SLC28A3: variants seen among roughly 807,000 people sequenced by gnomAD.
SLC28A3 encodes solute carrier family 28 member 3.
Under a neutral mutation model 84.2 loss-of-function variants are expected in SLC28A3, and 68 were observed. The ratio of observed to expected loss-of-function variants is 0.81; its 90% CI spans 0.66 to 0.99. The LOEUF is 0.99. Ranked by LOEUF, SLC28A3 falls within the 50% of genes least tolerant of loss-of-function variation. The pLI is 0.00. For synonymous variants in SLC28A3, 267 were observed against 303.6 expected (o/e 0.88, Z 1.25); for missense variants, 712 against 841.5 (o/e 0.85, Z 1.90).
chr9:84,333,068 T>C (rs1826847867), intron 1 of SLC28A3, among the ~76,000 whole-genome samples: 1 of 152,184 alleles, frequency 6.6e-6, no homozygotes, highest in African/African-American at 2.4e-5. Context: ...GAGATGATTT[T>C]GAGGGCTCCA....
Position 84,278,233 on chromosome 9 carries a change from G to T in SLC28A3, c.2061C>A (p.Ile687=). 1 of 1,613,860 alleles carries T rather than the reference G, an allele frequency of 6.2e-7. No individual in the cohort carries two copies. The highest frequency in any genetic ancestry group is 1.1e-5 in the South Asian group (1 of 91,038). ...GTGGCTGACCTCAAAATGTATTAGA[G>T]ATCCCATTGCAGTTAAAGGTCGATG... is the stretch of plus-strand genomic sequence containing the variant. ...LNPSTFNCNG[I]SNTF is the part of the protein sequence containing the mutation. The change falls in exon 18 of 18, where the codon ATC becomes ATA. Residue 687 remains isoleucine, a synonymous_variant. Transcript: ENST00000376238.
chr9:84,310,527 G>A (rs539563571), intron 2 of SLC28A3: 1 of 985,340 alleles, frequency 1.0e-6, no homozygotes, highest in African/African-American at 1.7e-5. Context: ...TGTGCTCTAA[G>A]AAGTATAATG....
At chr9:84,279,842 A>T (rs1442904810) in intron 16 of SLC28A3, 133 bp downstream of exon 16, 2 of 777,630 alleles carry the variant, frequency 2.6e-6, no homozygotes, top group Non-Finnish European at 4.1e-6. Flanking sequence ...ACTTTACAGT[A>T]TGCTTAAGAG....
intron 5 of SLC28A3, among the ~76,000 whole-genome samples, chr9:84,301,349 C>CAAA (rs59917986): frequency 1.7e-3 from 73 of 43,994 alleles, no homozygotes; most frequent in Non-Finnish European, 2.5e-3. Context: ...GACTCTGTCT[C>CAAA]AAAAAAAAAA....
At chr9:84,309,128 A>G (rs556496261) in intron 3 of SLC28A3, among the ~76,000 whole-genome samples, 5 of 152,270 alleles carry the variant, frequency 3.3e-5, no homozygotes, top group Middle Eastern at 3.4e-3. Context: ...GGCCACATTG[A>G]TCATCTTAAA....
the SLC28A3 span, among the ~76,000 whole-genome samples, chr9:84,368,593 G>A: frequency 6.6e-6 from 1 of 152,036 alleles, no homozygotes; most frequent in Non-Finnish European, 1.5e-5. Flanking sequence ...TCTGGGAGCT[G>A]GGGCCTGGAA....
At chr9:84,338,646 G>A (rs990465930) in intron 1 of SLC28A3, among the ~76,000 whole-genome samples, 3 of 152,152 alleles carry the variant, frequency 2.0e-5, no homozygotes, top group Non-Finnish European at 4.4e-5. Flanking sequence ...CCTCCTCCCT[G>A]GGAGCAGCCA....
intron 4 of SLC28A3, among the ~76,000 whole-genome samples, chr9:84,304,335 C>T (rs1335871588): frequency 1.3e-5 from 2 of 152,166 alleles, no homozygotes; most frequent in Admixed American, 6.5e-5. Context: ...CTTGGCTGTG[C>T]AGCAGCCTGG....
At chr9:84,305,201 T>TGA (rs1331238758) in intron 4 of SLC28A3, 53 bp downstream of exon 4, 6 of 1,151,150 alleles carry the variant, frequency 5.2e-6, no homozygotes, top group Non-Finnish European at 7.3e-6. Flanking sequence ...GGGGAATCCC[T>TGA]GAAAAAAAAA....
Position 84,278,245 on chromosome 9 carries a change from G to A in SLC28A3, c.2049C>T (p.Asn683=). The A allele has an allele frequency of 1.2e-6, 2 of 1,614,066 alleles. No homozygotes were observed. Among genetic ancestry groups the A allele is most frequent in the Middle Eastern group, 1.6e-4 (1 of 6,062 alleles). Reference sequence around the variant, plus strand: ...AAAATGTATTAGAGATCCCATTGCAGTTAAAGGTCGATGGATTCAACAATG... The same window carrying A: ...AAAATGTATTAGAGATCCCATTGCAATTAAAGGTCGATGGATTCAACAATG... The part of the protein sequence containing the change: ...CCTLLNPSTF[N]CNGISNTF The change falls in exon 18 of 18, where the codon AAC becomes AAT. Residue 683 remains asparagine (N), a synonymous_variant. Coordinates refer to ENST00000376238, the MANE Select transcript of SLC28A3 (RefSeq NM_001199633.2).
At chr9:84,292,467 C>CTCTG (rs1165849509) in intron 10 of SLC28A3, 216 of 392,952 alleles carry the variant, frequency 5.5e-4, no homozygotes, top group African/African-American at 5.4e-3. Flanking sequence ...CTCTCTGTCT[C>CTCTG]TCTCTCTGTC....
upstream of SLC28A3, among the ~76,000 whole-genome samples, chr9:84,341,093 C>G (rs1208202828): frequency 6.6e-6 from 1 of 151,752 alleles, no homozygotes; most frequent in Non-Finnish European, 1.5e-5. Flanking sequence ...CCTGCCTCAG[C>G]CTCTCAAGTA....
At chr9:84,324,997 A>C (rs1826504003) in intron 1 of SLC28A3, among the ~76,000 whole-genome samples, 1 of 152,198 alleles carries the variant, frequency 6.6e-6, no homozygotes, top group Non-Finnish European at 1.5e-5. Flanking sequence ...GTTGCTGGCT[A>C]GTTTATTCTG....
intron 4 of SLC28A3, among the ~76,000 whole-genome samples, chr9:84,302,913 T>C (rs572238048): frequency 1.3e-4 from 20 of 152,308 alleles, no homozygotes; most frequent in Non-Finnish European, 1.6e-4. Context: ...GCTGGCTGCT[T>C]TTGAAGAGCA....
intron 1 of SLC28A3, among the ~76,000 whole-genome samples, chr9:84,334,732 G>A (rs973358896): frequency 5.3e-5 from 8 of 151,140 alleles, no homozygotes; most frequent in African/African-American, 1.5e-4. Flanking sequence ...CACCAGAAGA[G>A]CGTTCATTCT....
At chr9:84,306,115 C>T (rs1288169206) in intron 3 of SLC28A3, among the ~76,000 whole-genome samples, 1 of 152,136 alleles carries the variant, frequency 6.6e-6, no homozygotes, top group Non-Finnish European at 1.5e-5. Flanking sequence ...TGGGGATCTT[C>T]TCGTTCCTGT....
the SLC28A3 span, among the ~76,000 whole-genome samples, chr9:84,357,912 G>C: frequency 6.6e-6 from 1 of 152,084 alleles, no homozygotes; most frequent in Non-Finnish European, 1.5e-5. Context: ...TAGATGCAGG[G>C]GTCTGAGTAT....
At chr9:84,362,608 G>A in the SLC28A3 span, among the ~76,000 whole-genome samples, 1 of 151,678 alleles carries the variant, frequency 6.6e-6, no homozygotes, top group Non-Finnish European at 1.5e-5. Context: ...CTTATAGCCT[G>A]GGTGACAGAG....
intron 2 of SLC28A3, chr9:84,310,452 G>A (rs1825951319): frequency 4.1e-6 from 4 of 985,268 alleles, no homozygotes; most frequent in Admixed American, 6.2e-5. Flanking sequence ...AATAAGCCTG[G>A]CTCTTGTAAC....
Sources: gnomAD v4.1 joint callset for allele counts (sites outside exome capture counted in the v4.1 genomes callset) on GRCh38, gnomAD v4.1.1 for gene constraint, MANE v1.5 for transcripts, NCBI Gene and HGNC (gene_info 2026-07-23, HGNC 2026-07-21) for gene names.